Variants in COL8A1 observed in about 807,000 individuals in gnomAD.
The protein encoded by COL8A1 is collagen type VIII alpha 1 chain.
A neutral mutation model predicts 42.7 loss-of-function variants in COL8A1; 21 were observed. The observed-to-expected ratio is 0.49, with a 90% CI of 0.35 to 0.71. The LOEUF (loss-of-function observed/expected upper bound fraction) is 0.71. Ranked by LOEUF, COL8A1 falls within the 30% of genes least tolerant of loss-of-function variation. COL8A1 has a pLI of 0.01. For synonymous variants in COL8A1, 367 were observed against 369.1 expected (o/e 0.99, Z 0.06); for missense variants, 788 against 962.4 (o/e 0.82, Z 2.40).
chr3:99,703,613 G>T (rs1939602999), intron 1 of COL8A1: 1 of 152,192 alleles, frequency 6.6e-6, no homozygotes, highest in Non-Finnish European at 1.5e-5. Flanking sequence ...TTCAAAAGGA[G>T]AAAGTCTATT....
intron 1 of COL8A1, among the ~76,000 whole-genome samples, chr3:99,690,595 G>T (rs775867596): frequency 1.9e-4 from 29 of 152,196 alleles, no homozygotes; most frequent in Non-Finnish European, 3.5e-4. Context: ...TGTGGATGAT[G>T]AACATGAAAG....
chr3:99,693,338 T>C (rs1939277596), intron 1 of COL8A1, among the ~76,000 whole-genome samples: 2 of 152,254 alleles, frequency 1.3e-5, no homozygotes, highest in Non-Finnish European at 2.9e-5. Flanking sequence ...TAAATATATT[T>C]AAAAAAGTTA....
rs1367914803 is a variant in COL8A1, at chr3:99,796,731, A to C, written c.*595A>C. On this transcript the variant is annotated 3_prime_UTR_variant, in exon 4 of 4. Coordinates refer to ENST00000652472, the MANE Select transcript of COL8A1 (RefSeq NM_020351.4). ...TGTATCAGAGGCTGTGTCTTTTAGTAACAGGAGTCCTCGTCAGAATTGCGT... is the reference window on the plus strand; with the variant it reads ...TGTATCAGAGGCTGTGTCTTTTAGTCACAGGAGTCCTCGTCAGAATTGCGT... 6.6e-6 allele frequency: 1 copy of C among 152,182 alleles called. No homozygotes were observed. Among genetic ancestry groups the C allele is most frequent in the Non-Finnish European group, 1.5e-5 (1 of 68,062 alleles). 9.4% of individuals were successfully genotyped at this position (152,182 alleles called of 1,614,324 possible). A position where few individuals can be genotyped will look rare whatever the true frequency, so the allele number is the denominator to read the frequency against.
rs147098623 is a variant in COL8A1, at chr3:99,673,009, A to T, written c.-129+34345A>T. 2.2e-3 allele frequency among the ~76,000 whole-genome samples: 340 copies of T among 152,160 alleles called. 1 individual carries two copies. The highest frequency in any genetic ancestry group is 3.9e-3 in the Non-Finnish European group (263 of 67,972). On this transcript the variant is annotated intron_variant, in intron 1 of 3. Coordinates refer to ENST00000652472, the MANE Select transcript of COL8A1 (RefSeq NM_020351.4). ...TCTCTCCACCCATGGCCCAGGGAAGATCATCTCTTTCCATTCCATATCCCC... is the reference window on the plus strand; with the variant it reads ...TCTCTCCACCCATGGCCCAGGGAAGTTCATCTCTTTCCATTCCATATCCCC...
At chr3:99,733,521 GC>G (rs1272552776) in intron 1 of COL8A1, among the ~76,000 whole-genome samples, 3 of 151,544 alleles carry the variant, frequency 2.0e-5, no homozygotes, top group Non-Finnish European at 2.9e-5. Flanking sequence ...GTGTATATGT[GC>G]CACATTTTCT....
intron 2 of COL8A1, among the ~76,000 whole-genome samples, chr3:99,779,129 T>A (rs1446493450): frequency 6.6e-6 from 1 of 152,190 alleles, no homozygotes; most frequent in African/African-American, 2.4e-5. Flanking sequence ...ATTTGGCATT[T>A]TAGATGTGAG....
chr3:99,796,132 T>C lies in COL8A1; in HGVS notation c.2231T>C (p.Met744Thr). The change falls in exon 4 of 4, where the codon ATG becomes ACG. Residue 744 changes from methionine to threonine, a missense_variant. Met to Thr is a moderately conservative substitution (Grantham distance 81, BLOSUM62 -1). This residue lies in a region of COL8A1 where 212 missense variants were observed against 210.9 expected (regional missense o/e 1.00). Coordinates refer to ENST00000652472, the MANE Select transcript of COL8A1 (RefSeq NM_020351.4). Reference sequence around the variant, plus strand: ...TTTTCAGGATATTTATTGTATCCCATGTAAAAACAAAAAAACAAAAAACAA... The same window carrying C: ...TTTTCAGGATATTTATTGTATCCCACGTAAAAACAAAAAAACAAAAAACAA... ...SSFSGYLLYP[M>T] is the part of the protein sequence containing the mutation. 6.9e-7 allele frequency: 1 copy of C among 1,458,432 alleles called. No homozygotes were observed. The highest frequency in any genetic ancestry group is 9.1e-7 in the Non-Finnish European group (1 of 1,099,568). 90.3% of individuals were successfully genotyped at this position (1,458,432 alleles called of 1,614,324 possible).
rs1222354987 is a variant in COL8A1 at position 99,796,918 on chromosome 3, A to C, written c.*782A>C. On this transcript the variant is annotated 3_prime_UTR_variant, in exon 4 of 4. Coordinates refer to ENST00000652472, the MANE Select transcript of COL8A1 (RefSeq NM_020351.4). The stretch of plus-strand genomic sequence containing the variant: ...GGGAGACATGAGCAGTAATTAACTC[A>C]CTTGTTCCCCAGAGTTTCTATTTGT... The C allele has an allele frequency of 6.6e-6, 1 of 152,014 alleles. No homozygotes were observed. Among genetic ancestry groups the C allele is most frequent in the East Asian group, 1.9e-4 (1 of 5,186 alleles). The allele number at this position is 152,014 out of a possible 1,614,324, so 9.4% of individuals were successfully genotyped here.
chr3:99,744,505 A>C (rs1477365177), intron 1 of COL8A1, among the ~76,000 whole-genome samples: 2 of 152,246 alleles, frequency 1.3e-5, no homozygotes, highest in African/African-American at 4.8e-5. Flanking sequence ...AAATACTGCT[A>C]TATGTAAATT....
chr3:99,751,251 A>C (rs1941142554), intron 2 of COL8A1, among the ~76,000 whole-genome samples: 1 of 152,162 alleles, frequency 6.6e-6, no homozygotes, highest in Admixed American at 6.6e-5. Context: ...ATGAGAAAGT[A>C]GGAACAGAAA....
rs540530330 is a variant in COL8A1 at position 99,797,697 on chromosome 3, G to C, written c.*1561G>C. The C allele has an allele frequency of 6.6e-6, 1 of 152,190 alleles. No homozygotes were observed. The highest frequency in any genetic ancestry group is 1.5e-5 in the Non-Finnish European group (1 of 68,040). 9.4% of individuals were successfully genotyped at this position (152,190 alleles called of 1,614,324 possible). A position where few individuals can be genotyped will look rare whatever the true frequency, so the allele number is the denominator to read the frequency against. On this transcript the variant is annotated 3_prime_UTR_variant, in exon 4 of 4. Transcript: ENST00000652472. ...TTAAAAACAGATGTGCTGCTTCTGG[G>C]TGTAGGTAGTAAAAGTATAGGAAAA...
In COL8A1 at chr3:99,706,733, TAACTC is replaced by T. The variant is rs1375897514; in HGVS notation, c.-128-38162_-128-38158del. On this transcript the variant is annotated intron_variant, in intron 1 of 3. Coordinates refer to ENST00000652472, the MANE Select transcript of COL8A1 (RefSeq NM_020351.4). ...TGTTTTCATATCATTTCTAAATAAT[TAACTC>T]AGCTCTGTCCTTTACAGCTCTGCAA... is the stretch of plus-strand genomic sequence containing the variant. Among the ~76,000 whole-genome samples the T allele has an allele frequency of 2.6e-5, 4 of 152,238 alleles. No homozygotes were observed. The East Asian group carries it at 5.8e-4, about 22-fold the overall frequency.
At chr3:99,709,739 T>C (rs987764189) in intron 1 of COL8A1, among the ~76,000 whole-genome samples, 9 of 152,212 alleles carry the variant, frequency 5.9e-5, no homozygotes, top group African/African-American at 1.7e-4. Context: ...ATGTTGTGAA[T>C]AGCAACAGAG....
intron 1 of COL8A1, among the ~76,000 whole-genome samples, chr3:99,707,442 C>T (rs1235542891): frequency 1.3e-5 from 2 of 152,148 alleles, no homozygotes; most frequent in African/African-American, 2.4e-5. Flanking sequence ...GAGCTTCAAA[C>T]CCTCAGTTAG....
chr3:99,650,471 G>A (rs915690081), intron 1 of COL8A1, among the ~76,000 whole-genome samples: 4 of 151,844 alleles, frequency 2.6e-5, no homozygotes, highest in African/African-American at 9.7e-5. Flanking sequence ...GTCTCACTCT[G>A]TAGCCCAAGC....
intron 1 of COL8A1, among the ~76,000 whole-genome samples, chr3:99,728,708 A>G (rs1940410366): frequency 6.6e-6 from 1 of 151,954 alleles, no homozygotes; most frequent in Admixed American, 6.6e-5. Flanking sequence ...CAATTAATTA[A>G]TTGTATGGTT....
chr3:99,728,714 T>C (rs1441750470), intron 1 of COL8A1, among the ~76,000 whole-genome samples: 1 of 150,034 alleles, frequency 6.7e-6, no homozygotes, highest in Non-Finnish European at 1.5e-5. Context: ...ATTAATTGTA[T>C]GGTTAAATAT....
intron 1 of COL8A1, chr3:99,691,267 C>T (rs1347958908): frequency 1.3e-5 from 2 of 152,136 alleles, no homozygotes; most frequent in African/African-American, 4.8e-5. Flanking sequence ...TGGCTTTTAG[C>T]AGCAGAAGCC....
At chr3:99,753,246 C>A (rs1304064381) in intron 2 of COL8A1, among the ~76,000 whole-genome samples, 1 of 152,272 alleles carries the variant, frequency 6.6e-6, no homozygotes, top group East Asian at 1.9e-4. Flanking sequence ...GGGGACCACA[C>A]TTTAAGAACC....
Sources: gnomAD v4.1 joint callset for allele counts (sites outside exome capture counted in the v4.1 genomes callset) on GRCh38, gnomAD v4.1.1 for gene constraint, gnomAD v4.1.1 regional missense constraint, MANE v1.5 for transcripts, NCBI Gene and HGNC (gene_info 2026-07-23, HGNC 2026-07-21) for gene names.